MYO9A: variants seen among roughly 807,000 people sequenced by gnomAD.
MYO9A encodes the protein myosin IXA, also known as unconventional myosin-IXa.
MYO9A carries 103 observed loss-of-function variants against 293.3 expected under a neutral mutation model. The ratio of observed to expected loss-of-function variants is 0.35; its 90% confidence interval spans 0.30 to 0.41. MYO9A has a LOEUF of 0.41. Ranked by LOEUF, MYO9A falls within the 10% of genes least tolerant of loss-of-function variation. MYO9A has a pLI of 1.00. For missense variants in MYO9A, 2,685 were observed against 3,033.0 expected, an observed-to-expected ratio of 0.89 and a Z score of 2.69; for synonymous variants, 1,001 against 1,035.7, an observed-to-expected ratio of 0.97 and a Z score of 0.64.
chr15:72,044,367 T>C (rs921256739), intron 2 of MYO9A, among the ~76,000 whole-genome samples: 1 of 151,618 alleles, frequency 6.6e-6, no homozygotes, highest in Admixed American at 6.6e-5. Flanking sequence ...GACCGCACCA[T>C]TGCACTCCAG....
chr15:71,976,305 T>C (rs2076147620), intron 12 of MYO9A, among the ~76,000 whole-genome samples: 1 of 152,222 alleles, frequency 6.6e-6, no homozygotes, highest in Non-Finnish European at 1.5e-5. Flanking sequence ...AGAGTTTTTC[T>C]GTAACAGTAG....
intron 41 of MYO9A, 103 bp downstream of exon 41, chr15:71,827,780 AT>A: frequency 5.5e-6 from 7 of 1,263,988 alleles, no homozygotes; most frequent in Non-Finnish European, 7.6e-6. Context: ...GTTATTGCTG[AT>A]GTACAGTCAG....
intron 11 of MYO9A, among the ~76,000 whole-genome samples, chr15:71,979,366 T>C (rs2076217944): frequency 1.3e-5 from 2 of 152,042 alleles, no homozygotes; most frequent in Admixed American, 6.6e-5. Flanking sequence ...ACACACTAGA[T>C]AGTATGAGCT....
At chr15:71,874,111 C>G (rs914299829) in intron 32 of MYO9A, among the ~76,000 whole-genome samples, 6 of 152,128 alleles carry the variant, frequency 3.9e-5, no homozygotes, top group African/African-American at 1.4e-4. Flanking sequence ...TGTGAAAAGG[C>G]AGAAACTTCG....
intron 1 of MYO9A, among the ~76,000 whole-genome samples, chr15:72,089,362 A>G (rs886105259): frequency 6.6e-6 from 1 of 151,902 alleles, no homozygotes; most frequent in African/African-American, 2.4e-5. Context: ...CAGTTTCACT[A>G]TGTTGCCCAG....
Position 72,097,254 on chromosome 15 carries a change from T to C in MYO9A, c.-72+20426A>G, listed in dbSNP as rs974698926. Reference sequence around the variant, plus strand: ...TACGTCATTGTCTTATTTCAAGAAATTGCCACATCCACTCCAACTTTCAGC... The same window carrying C: ...TACGTCATTGTCTTATTTCAAGAAACTGCCACATCCACTCCAACTTTCAGC... On this transcript the variant is annotated intron_variant, in intron 1 of 41. Transcript: ENST00000356056. Among the ~76,000 whole-genome samples the C allele has an allele frequency of 1.1e-4, 17 of 152,342 alleles. No homozygotes were observed. The South Asian group carries it at 1.7e-3, about 15-fold the overall frequency.
chr15:71,949,658 C>CTTT (rs779348640), intron 15 of MYO9A, among the ~76,000 whole-genome samples: 1 of 140,000 alleles, frequency 7.1e-6, no homozygotes, highest in Non-Finnish European at 1.6e-5. Flanking sequence ...TTGATTTCCA[C>CTTT]TTTTTTTTTT....
chr15:72,032,273 T>C lies in MYO9A; in HGVS notation c.935+221A>G, dbSNP rs183713338. ...ATATATAGAAAGCAAATGCAACACA[T>C]TGACAACAATCAAATCTAGGTTAAG... On this transcript the variant is annotated intron_variant, in intron 3 of 41. Coordinates refer to ENST00000356056, the MANE Select transcript of MYO9A (RefSeq NM_006901.4). 1.9e-3 allele frequency among the ~76,000 whole-genome samples: 285 copies of C among 152,282 alleles called. 2 individuals are homozygous for C. The highest frequency in any genetic ancestry group is 3.4e-3 in the Middle Eastern group (1 of 294).
intron 26 of MYO9A, chr15:71,891,530 A>G (rs1211837859): frequency 6.6e-6 from 1 of 152,232 alleles, no homozygotes; most frequent in African/African-American, 2.4e-5. Context: ...TTCGTATTTA[A>G]CTGTTAATCA....
At chr15:72,033,554 A>T (rs2077944464) in intron 2 of MYO9A, among the ~76,000 whole-genome samples, 1 of 152,236 alleles carries the variant, frequency 6.6e-6, no homozygotes, top group Non-Finnish European at 1.5e-5. Context: ...CAAAGTACAT[A>T]TCATATAATC....
chr15:71,852,297 A>G (rs762273025), intron 35 of MYO9A, 37 bp from the exon 36 acceptor site: 2 of 1,565,830 alleles, frequency 1.3e-6, no homozygotes, highest in African/African-American at 2.7e-5. Flanking sequence ...CAGAGCCAAA[A>G]CATGCAAAGA....
intron 16 of MYO9A, among the ~76,000 whole-genome samples, chr15:71,936,654 A>G (rs1428573945): frequency 6.6e-6 from 1 of 152,170 alleles, no homozygotes; most frequent in South Asian, 2.1e-4. Context: ...GTATCAGGAG[A>G]TAGCTACTTA....
At chr15:72,076,304 C>CA (rs34369419) in intron 1 of MYO9A, among the ~76,000 whole-genome samples, 2,180 of 81,164 alleles carry the variant, frequency 0.027, 38 homozygotes, top group African/African-American at 0.076. Context: ...GACTCTGTCT[C>CA]AAAAAAAAAA....
chr15:72,023,946 G>T (rs963870551), intron 4 of MYO9A, among the ~76,000 whole-genome samples: 1 of 151,916 alleles, frequency 6.6e-6, no homozygotes, highest in Admixed American at 6.6e-5. Flanking sequence ...CACCAAGAGA[G>T]AAATTCCTCA....
intron 1 of MYO9A, among the ~76,000 whole-genome samples, chr15:72,062,689 CT>C (rs1161944487): frequency 1.3e-5 from 2 of 152,090 alleles, no homozygotes; most frequent in African/African-American, 4.8e-5. Flanking sequence ...AGAATAAAGC[CT>C]ACAAGATCTA....
intron 2 of MYO9A, among the ~76,000 whole-genome samples, chr15:72,043,386 G>A (rs904820274): frequency 6.6e-6 from 1 of 152,060 alleles, no homozygotes; most frequent in African/African-American, 2.4e-5. Flanking sequence ...AGAAAAAAAT[G>A]CATATGTCTA....
chr15:71,970,986 A>G (rs996414407), intron 12 of MYO9A, among the ~76,000 whole-genome samples: 2 of 151,760 alleles, frequency 1.3e-5, no homozygotes, highest in African/African-American at 2.4e-5. Flanking sequence ...GTGAAACCCC[A>G]TCTCTACTGA....
chr15:72,023,380 G>C (rs1446603381), intron 4 of MYO9A, among the ~76,000 whole-genome samples: 1 of 152,156 alleles, frequency 6.6e-6, no homozygotes, highest in Non-Finnish European at 1.5e-5. Context: ...CAGCACTTTG[G>C]GAGGTGGAGG....
chr15:71,906,649 A>AT (rs560227094), intron 19 of MYO9A, among the ~76,000 whole-genome samples: 46 of 133,420 alleles, frequency 3.4e-4, no homozygotes, highest in East Asian at 2.0e-3. Flanking sequence ...CGCATGGTTT[A>AT]TTTTTTTTCA....
Sources: allele counts gnomAD v4.1 joint callset (sites outside exome capture counted in the v4.1 genomes callset), GRCh38; gene constraint gnomAD v4.1.1; transcripts MANE v1.5; gene names NCBI Gene and HGNC (gene_info 2026-07-23, HGNC 2026-07-21).